RIMS2: variants seen among roughly 807,000 people sequenced by gnomAD.
RIMS2 encodes regulating synaptic membrane exocytosis protein 2.
In RIMS2, 59 loss-of-function variants were observed where a neutral mutation model predicts 174.4. The observed-to-expected ratio is 0.34, with a 90% CI of 0.27 to 0.42. The LOEUF is 0.42. RIMS2 is among the 10% of genes least tolerant of loss of function. The pLI is 1.00. For missense variants in RIMS2, 1,620 were observed against 1,666.3 expected (o/e 0.97, Z 0.48); for synonymous variants, 606 against 572.5 (o/e 1.06, Z -0.84).
At chr8:104,103,106 T>TA (rs34417651) in intron 19 of RIMS2, among the ~76,000 whole-genome samples, 3,142 of 152,234 alleles carry the variant, frequency 0.021, 47 homozygotes, top group Middle Eastern at 0.11. Flanking sequence ...TTGCAAAACT[T>TA]ACGCTAAGTA....
chr8:104,161,004 T>C (rs977879076), intron 19 of RIMS2, among the ~76,000 whole-genome samples: 1 of 152,192 alleles, frequency 6.6e-6, no homozygotes, highest in Admixed American at 6.5e-5. Context: ...AAGTTACTTC[T>C]CTCAATCTCC....
At chr8:103,676,920 G>A (rs2096822426) in intron 1 of RIMS2, among the ~76,000 whole-genome samples, 1 of 152,152 alleles carries the variant, frequency 6.6e-6, no homozygotes, top group Non-Finnish European at 1.5e-5. Context: ...GAAGGCAGAG[G>A]TTGCAGTGAG....
At chr8:103,699,886 G>A (rs1404649615) in intron 2 of RIMS2, among the ~76,000 whole-genome samples, 4 of 151,934 alleles carry the variant, frequency 2.6e-5, no homozygotes, top group African/African-American at 9.7e-5. Flanking sequence ...GGGGTTCCTA[G>A]GGATCTTTTT....
chr8:103,909,069 T>C (rs2075117674), intron 4 of RIMS2, among the ~76,000 whole-genome samples: 1 of 152,158 alleles, frequency 6.6e-6, no homozygotes, highest in Non-Finnish European at 1.5e-5. Flanking sequence ...GGGTGTTTGC[T>C]GACCCCAAAG....
chr8:103,890,909 G>T (rs1440073467), intron 4 of RIMS2, among the ~76,000 whole-genome samples: 1 of 151,906 alleles, frequency 6.6e-6, no homozygotes, highest in African/African-American at 2.4e-5. Context: ...AACATTTGAG[G>T]CTGGATAATT....
At position 104,167,756 on chromosome 8, in the gene RIMS2, A is replaced by G. The variant is rs115588734; in HGVS notation, c.3335-77160A>G. ...AGTCATGAATTCTTTGCTTAAGCCA[A>G]TGTCTGGAAGAGTTTTTCCAGTGTT... On this transcript the variant is annotated intron_variant, in intron 19 of 23. Transcript: ENST00000504942. Among the ~76,000 whole-genome samples the G allele has an allele frequency of 1.2e-3, 185 of 152,234 alleles. 1 individual carries two copies. The highest frequency in any genetic ancestry group is 4.2e-3 in the African/African-American group (175 of 41,556).
intron 19 of RIMS2, among the ~76,000 whole-genome samples, chr8:104,157,598 CTT>C (rs1328683791): frequency 1.3e-5 from 2 of 152,124 alleles, no homozygotes; most frequent in African/African-American, 4.8e-5. Flanking sequence ...TTTACTTTGT[CTT>C]TGTGAATTTG....
intron 21 of RIMS2, 60 bp from the exon 28 acceptor site, chr8:104,249,427 T>C (rs1369283614): frequency 4.8e-6 from 4 of 838,738 alleles, no homozygotes; most frequent in Non-Finnish European, 8.0e-6. Flanking sequence ...GGTCTTTGAC[T>C]CTATTTTCCT....
intron 1 of RIMS2, among the ~76,000 whole-genome samples, chr8:103,515,657 A>G (rs895467830): frequency 1.3e-5 from 2 of 152,158 alleles, no homozygotes; most frequent in African/African-American, 4.8e-5. Flanking sequence ...GGCAAAATTT[A>G]TATTCAAGAG....
intron 1 of RIMS2, among the ~76,000 whole-genome samples, chr8:103,567,184 A>C (rs1487061952): frequency 6.6e-6 from 1 of 152,168 alleles, no homozygotes; most frequent in Admixed American, 6.5e-5. Flanking sequence ...ATTGTGGTAA[A>C]ATGCACATAT....
chr8:104,234,383 T>C (rs1588001071), intron 19 of RIMS2, among the ~76,000 whole-genome samples: 1 of 151,852 alleles, frequency 6.6e-6, no homozygotes, highest in East Asian at 1.9e-4. Flanking sequence ...CAGGTATCAG[T>C]GGACTGATGC....
chr8:103,804,715 G>T (rs557787414), intron 3 of RIMS2, among the ~76,000 whole-genome samples: 2 of 152,230 alleles, frequency 1.3e-5, no homozygotes, highest in East Asian at 3.9e-4. Context: ...ACCTGCAAAG[G>T]TGCTGTAGCC....
chr8:103,901,863 A>G (rs1236894621), intron 4 of RIMS2, among the ~76,000 whole-genome samples: 1 of 152,210 alleles, frequency 6.6e-6, no homozygotes, highest in East Asian at 1.9e-4. Flanking sequence ...CTCTAGATCT[A>G]CTGACATTTT....
At chr8:103,683,956 A>C (rs973801202) in intron 1 of RIMS2, among the ~76,000 whole-genome samples, 6 of 152,172 alleles carry the variant, frequency 3.9e-5, no homozygotes, top group Non-Finnish European at 8.8e-5. Context: ...TATTAGGTGT[A>C]GAAAGGAAGT....
intron 3 of RIMS2, among the ~76,000 whole-genome samples, chr8:103,830,499 A>G (rs1340502896): frequency 6.6e-6 from 1 of 152,104 alleles, no homozygotes; most frequent in Admixed American, 6.5e-5. Flanking sequence ...AATCAGTTTA[A>G]ATTTATTAGG....
chr8:103,903,206 T>A (rs552072501), intron 4 of RIMS2, among the ~76,000 whole-genome samples: 1 of 152,076 alleles, frequency 6.6e-6, no homozygotes, highest in East Asian at 1.9e-4. Context: ...TCAAAACCGA[T>A]GAGAAAATGA....
At chr8:104,078,452 C>G (rs150767626) in intron 19 of RIMS2, among the ~76,000 whole-genome samples, 1 of 152,270 alleles carries the variant, frequency 6.6e-6, no homozygotes, top group East Asian at 1.9e-4. Flanking sequence ...CTTGCTGTGT[C>G]TTCACTTTGT....
chr8:103,741,648 G>C (rs1021971308), intron 2 of RIMS2, among the ~76,000 whole-genome samples: 6 of 151,990 alleles, frequency 3.9e-5, no homozygotes, highest in African/African-American at 1.4e-4. Flanking sequence ...GAGGCACCTT[G>C]TTTAAGTCAA....
At chr8:103,771,187 C>T (rs2098249082) in intron 3 of RIMS2, among the ~76,000 whole-genome samples, 1 of 152,128 alleles carries the variant, frequency 6.6e-6, no homozygotes, top group Non-Finnish European at 1.5e-5. Flanking sequence ...ACTTACTTAA[C>T]ATATAGTCAT....
Sources: gnomAD v4.1 joint callset for allele counts (sites outside exome capture counted in the v4.1 genomes callset) on GRCh38, gnomAD v4.1.1 for gene constraint, MANE v1.5 for transcripts, NCBI Gene and HGNC (gene_info 2026-07-23, HGNC 2026-07-21) for gene names.